ST6GAL1: variants seen among roughly 807,000 people sequenced by gnomAD.
ST6GAL1 encodes the protein beta-galactoside alpha-2,6-sialyltransferase 1.
In ST6GAL1, 20 loss-of-function variants were observed where a neutral mutation model predicts 38.0. The ratio of observed to expected loss-of-function variants is 0.53; its 90% CI spans 0.37 to 0.77. The LOEUF (loss-of-function observed/expected upper bound fraction) is 0.77. Ranked by LOEUF, ST6GAL1 falls within the 30% of genes least tolerant of loss-of-function variation. The pLI, the probability that ST6GAL1 is intolerant of heterozygous loss-of-function variation, is 0.00. For synonymous variants in ST6GAL1, 196 were observed against 188.2 expected, an observed-to-expected ratio of 1.04 and a Z score of -0.34; for missense variants, 432 against 496.4, an observed-to-expected ratio of 0.87 and a Z score of 1.23.
chr3:186,975,602 C>T (rs774584802), intron 2 of ST6GAL1, among the ~76,000 whole-genome samples: 5 of 152,214 alleles, frequency 3.3e-5, no homozygotes, highest in Admixed American at 1.3e-4. Context: ...GTGTGTTCTT[C>T]CATGGCCTCT....
intron 2 of ST6GAL1, among the ~76,000 whole-genome samples, chr3:187,020,973 G>GT (rs376349983): frequency 2.8e-4 from 39 of 137,120 alleles, no homozygotes; most frequent in East Asian, 2.2e-3. Flanking sequence ...TTTTTTTTTT[G>GT]TTTTTTTTTG....
chr3:187,035,635 CA>C, intron 2 of ST6GAL1, among the ~76,000 whole-genome samples: 1 of 152,114 alleles, frequency 6.6e-6, no homozygotes, highest in East Asian at 1.9e-4. Flanking sequence ...ACACAGTCAA[CA>C]AAAATAAGCA....
At chr3:186,983,995 C>T (rs1366939012) in intron 2 of ST6GAL1, among the ~76,000 whole-genome samples, 1 of 152,186 alleles carries the variant, frequency 6.6e-6, no homozygotes. Context: ...TTGACAGTCT[C>T]ATCTCAAACT....
chr3:187,055,895 T>C (rs1178211539), intron 5 of ST6GAL1, among the ~76,000 whole-genome samples: 1 of 152,150 alleles, frequency 6.6e-6, no homozygotes, highest in Non-Finnish European at 1.5e-5. Flanking sequence ...CGTCTAATAT[T>C]GACAGTGGGG....
intron 1 of ST6GAL1, among the ~76,000 whole-genome samples, chr3:186,937,806 C>T (rs1579251562): frequency 1.3e-5 from 2 of 152,178 alleles, no homozygotes; most frequent in Admixed American, 1.3e-4. Flanking sequence ...GGAGTGGTGG[C>T]TCACTCCTGT....
chr3:187,071,742 A>G (rs1719382878), intron 5 of ST6GAL1, among the ~76,000 whole-genome samples: 2 of 144,110 alleles, frequency 1.4e-5, no homozygotes, highest in African/African-American at 5.2e-5. Flanking sequence ...CCTGGGCGAC[A>G]CAGGCTGTGT....
intron 4 of ST6GAL1, among the ~76,000 whole-genome samples, chr3:187,045,269 C>T (rs916591982): frequency 7.3e-5 from 11 of 150,794 alleles, no homozygotes; most frequent in Non-Finnish European, 1.3e-4. Context: ...CTAGAAGACA[C>T]GAGTAAGAGA....
rs1041879806 is a variant in ST6GAL1 at position 186,992,196 on chromosome 3, G to A, written c.-183+28270G>A. 4.4e-4 allele frequency among the ~76,000 whole-genome samples: 67 copies of A among 152,152 alleles called. 1 individual carries two copies. Among genetic ancestry groups the A allele is most frequent in the Non-Finnish European group, 7.3e-4 (50 of 68,030 alleles). On this transcript the variant is annotated intron_variant, in intron 2 of 7. Coordinates refer to ENST00000169298, the MANE Select transcript of ST6GAL1 (RefSeq NM_173216.2). ...CCATATGTCAAGGGAGAGACCAGGT[G>A]GAGGGAATTGAATCATGGGGGCTGT...
intron 1 of ST6GAL1, among the ~76,000 whole-genome samples, chr3:186,957,207 C>T (rs1230664363): frequency 6.6e-6 from 1 of 152,162 alleles, no homozygotes; most frequent in Non-Finnish European, 1.5e-5. Context: ...CTTTGGGAGG[C>T]CAAGGTGAGT....
intron 2 of ST6GAL1, among the ~76,000 whole-genome samples, chr3:187,030,101 A>C (rs1001220954): frequency 1.3e-5 from 2 of 152,228 alleles, no homozygotes; most frequent in African/African-American, 4.8e-5. Context: ...AGAGGACTAG[A>C]ATATCCTAAA....
intron 5 of ST6GAL1, among the ~76,000 whole-genome samples, chr3:187,069,997 A>G (rs898606171): frequency 7.2e-5 from 11 of 152,220 alleles, no homozygotes; most frequent in Admixed American, 2.0e-4. Flanking sequence ...CGTTCTCAGC[A>G]TATGACTTCC....
rs371128719 is a variant in ST6GAL1, at chr3:186,998,289, C to T, written c.-183+34363C>T. Among the ~76,000 whole-genome samples the T allele has an allele frequency of 8.4e-4, 128 of 152,224 alleles. 2 individuals are homozygous for T. In the South Asian group the frequency reaches 0.023, roughly 27 times the overall value. On this transcript the variant is annotated intron_variant, in intron 2 of 7. Transcript: ENST00000169298. ...CTTTTGACGGTCCCTAAACTTAATA[C>T]GAATATCCTGTTAACCAGAAGCCTT...
At chr3:187,015,195 G>C (rs372377473) in intron 2 of ST6GAL1, among the ~76,000 whole-genome samples, 2 of 152,140 alleles carry the variant, frequency 1.3e-5, no homozygotes, top group African/African-American at 4.8e-5. Flanking sequence ...ACTCTCTTGC[G>C]TACGAAGGGA....
intron 4 of ST6GAL1, among the ~76,000 whole-genome samples, chr3:187,049,358 C>T (rs1718431392): frequency 6.6e-6 from 1 of 152,196 alleles, no homozygotes; most frequent in Non-Finnish European, 1.5e-5. Context: ...GTATCTTTCT[C>T]TTGACTGAAG....
At chr3:186,949,097 C>T (rs1714487933) in intron 1 of ST6GAL1, among the ~76,000 whole-genome samples, 1 of 152,162 alleles carries the variant, frequency 6.6e-6, no homozygotes, top group Middle Eastern at 3.2e-3. Context: ...TCCTACCTGC[C>T]AATTCTAGCC....
chr3:187,022,784 G>A (rs1025541664), intron 2 of ST6GAL1, among the ~76,000 whole-genome samples: 1 of 152,164 alleles, frequency 6.6e-6, no homozygotes, highest in African/African-American at 2.4e-5. Flanking sequence ...ATTTCCTTCA[G>A]AGTCTGCTGT....
intron 5 of ST6GAL1, among the ~76,000 whole-genome samples, chr3:187,056,397 T>G (rs4586798): frequency 1.3e-5 from 2 of 152,108 alleles, no homozygotes; most frequent in African/African-American, 4.8e-5. Context: ...TTCCTAGCAT[T>G]GATGGTTTTT....
intron 5 of ST6GAL1, among the ~76,000 whole-genome samples, chr3:187,058,283 C>T (rs548506018): frequency 5.3e-5 from 8 of 152,286 alleles, no homozygotes; most frequent in East Asian, 3.9e-4. Context: ...TGCTTTGGCT[C>T]GTCCTCCATG....
intron 1 of ST6GAL1, among the ~76,000 whole-genome samples, chr3:186,960,921 G>A (rs1002621158): frequency 4.6e-5 from 7 of 151,064 alleles, no homozygotes; most frequent in Admixed American, 2.6e-4. Context: ...CTCTTTGTAG[G>A]CCAGCTTCCT....
Sources: allele counts gnomAD v4.1 joint callset (sites outside exome capture counted in the v4.1 genomes callset), GRCh38; gene constraint gnomAD v4.1.1; transcripts MANE v1.5; gene names NCBI Gene and HGNC (gene_info 2026-07-23, HGNC 2026-07-21).